GRIP1: variants seen among roughly 807,000 people sequenced by gnomAD.
The protein encoded by GRIP1 is glutamate receptor-interacting protein 1.
A neutral mutation model predicts 129.9 loss-of-function variants in GRIP1; 45 were observed. That is an observed-to-expected ratio of 0.35 (90% CI 0.27 to 0.44). GRIP1 has a LOEUF of 0.44. GRIP1 is among the 20% of genes least tolerant of loss of function. The pLI is 1.00. For synonymous variants in GRIP1, 530 were observed against 520.8 expected (o/e 1.02, Z -0.24); for missense variants, 1,196 against 1,396.8 (o/e 0.86, Z 2.29).
At chr12:66,600,163 C>T (rs906623096) in intron 1 of GRIP1, among the ~76,000 whole-genome samples, 13 of 152,186 alleles carry the variant, frequency 8.5e-5, no homozygotes, top group African/African-American at 2.9e-4. Flanking sequence ...ACAAATGGTA[C>T]TACAGAACTA....
intron 1 of GRIP1, among the ~76,000 whole-genome samples, chr12:66,736,114 C>T (rs568197338): frequency 4.6e-5 from 7 of 152,264 alleles, no homozygotes; most frequent in African/African-American, 1.4e-4. Context: ...CACCAAACTT[C>T]ACTAAGAGCT....
At position 66,509,497 on chromosome 12, in the gene GRIP1, C is replaced by T. The variant is rs748062895; in HGVS notation, c.724+6122G>A. Among the ~76,000 whole-genome samples the T allele has an allele frequency of 9.8e-4, 149 of 151,910 alleles. 1 individual carries two copies. The highest frequency in any genetic ancestry group is 5.9e-5 in the Non-Finnish European group (4 of 68,026). On this transcript the variant is annotated intron_variant, in intron 7 of 24. Transcript: ENST00000359742. ...GCACTGTATTTTACTACAGTCATTG[C>T]TTTCAGAACTTTTTTCCTTAGATGT...
intron 1 of GRIP1, among the ~76,000 whole-genome samples, chr12:66,641,202 G>A (rs189476834): frequency 8.6e-4 from 131 of 152,294 alleles, no homozygotes; most frequent in African/African-American, 3.1e-3. Flanking sequence ...CTGAGACACT[G>A]TTGATGCCTC....
intron 1 of GRIP1, among the ~76,000 whole-genome samples, chr12:66,856,996 G>A (rs1328323441): frequency 1.3e-5 from 2 of 152,080 alleles, no homozygotes; most frequent in Non-Finnish European, 2.9e-5. Context: ...ATGATAGACT[G>A]GATTAAGAAA....
At chr12:66,556,083 C>T (rs1407258639) in intron 2 of GRIP1, among the ~76,000 whole-genome samples, 2 of 151,990 alleles carry the variant, frequency 1.3e-5, no homozygotes, top group Non-Finnish European at 2.9e-5. Flanking sequence ...GGTTATAGAA[C>T]ACCAAACAGA....
At chr12:66,432,853 A>C (rs6581695) in intron 13 of GRIP1, among the ~76,000 whole-genome samples, 103,747 of 152,104 alleles carry the variant, frequency 0.68, 36,965 homozygotes, top group Non-Finnish European at 0.8. Context: ...AGTTGAGTTC[A>C]GTATTTCTCA....
intron 10 of GRIP1, 137 bp downstream of exon 10, chr12:66,456,050 G>A: frequency 2.2e-6 from 1 of 451,196 alleles, no homozygotes; most frequent in Non-Finnish European, 4.0e-6. Context: ...AAAAAACCTA[G>A]GAGATGTCAG....
chr12:67,029,174 C>A (rs1034498143), intron 1 of GRIP1, among the ~76,000 whole-genome samples: 10 of 152,066 alleles, frequency 6.6e-5, no homozygotes, highest in African/African-American at 2.4e-4. Context: ...TGCAGCGGCA[C>A]AATCTCAGCT....
At chr12:66,671,674 A>G (rs1180248498) in intron 1 of GRIP1, among the ~76,000 whole-genome samples, 1 of 152,196 alleles carries the variant, frequency 6.6e-6, no homozygotes. Context: ...ACAAAACAGA[A>G]GGGCTGCTTC....
intron 1 of GRIP1, among the ~76,000 whole-genome samples, chr12:67,004,673 T>C (rs1369982262): frequency 2.6e-5 from 4 of 152,084 alleles, no homozygotes; most frequent in Non-Finnish European, 4.4e-5. Flanking sequence ...AATAACCTTA[T>C]TGGGACACCA....
At chr12:66,639,859 C>G (rs933128173) in intron 1 of GRIP1, among the ~76,000 whole-genome samples, 3 of 152,174 alleles carry the variant, frequency 2.0e-5, no homozygotes, top group African/African-American at 7.2e-5. Context: ...AGTACAAGCA[C>G]AGTTACACTA....
chr12:66,699,497 T>A (rs2035277525), intron 1 of GRIP1, among the ~76,000 whole-genome samples: 1 of 152,106 alleles, frequency 6.6e-6, no homozygotes, highest in Non-Finnish European at 1.5e-5. Flanking sequence ...TATAAGGGGT[T>A]TCCCCTTTTA....
In GRIP1 at chr12:66,859,259, GA is replaced by G. The variant is rs1555246431; in HGVS notation, c.58+209790del. On this transcript the variant is annotated intron_variant, in intron 1 of 1. Transcript: ENST00000643019. ...GACTAGCATATTCTCCACATTTTCT[GA>G]AAAAAAACAAAAAAACAAAAAAACA... 6.6e-4 allele frequency among the ~76,000 whole-genome samples: 14 copies of G among 21,232 alleles called. 2 individuals carry two copies. In the East Asian group the frequency reaches 0.062, roughly 95 times the overall value. 13.9% of individuals were successfully genotyped at this position (21,232 alleles called of 152,430 possible).
chr12:66,510,393 T>C (rs1392703695), intron 7 of GRIP1, among the ~76,000 whole-genome samples: 1 of 152,148 alleles, frequency 6.6e-6, no homozygotes, highest in Non-Finnish European at 1.5e-5. Flanking sequence ...CCTACGTATC[T>C]CATCTAGCCT....
At chr12:66,977,840 T>C (rs1024588117) in intron 1 of GRIP1, among the ~76,000 whole-genome samples, 7 of 123,596 alleles carry the variant, frequency 5.7e-5, no homozygotes, top group African/African-American at 2.1e-4. Context: ...TTTTTTTGGC[T>C]CTTGCTCTTT....
rs1203699474 is a variant in GRIP1, at chr12:66,990,939, T to A, written c.58+78111A>T. On this transcript the variant is annotated intron_variant, in intron 1 of 1. Coordinates refer to the GRIP1 transcript ENST00000643019. ...TCGCGGTGAGCCGAGATAGCGCCAT[T>A]ACGCTCCAGCCTGGGCAACAAGAGC... 2.7e-5 allele frequency among the ~76,000 whole-genome samples: 4 copies of A among 145,634 alleles called. No individual in the cohort carries two copies. The East Asian group carries it at 8.1e-4, about 29-fold the overall frequency.
intron 1 of GRIP1, among the ~76,000 whole-genome samples, chr12:67,037,196 C>T (rs1386586087): frequency 3.3e-5 from 5 of 151,984 alleles, no homozygotes; most frequent in African/African-American, 7.2e-5. Flanking sequence ...GGCGTGGTGG[C>T]GGGCACCTGT....
intron 2 of GRIP1, among the ~76,000 whole-genome samples, chr12:66,566,879 GA>G (rs967756659): frequency 1.3e-5 from 2 of 152,108 alleles, no homozygotes; most frequent in Non-Finnish European, 2.9e-5. Context: ...ATGTGTCGAG[GA>G]ATTTACCCAT....
chr12:67,060,824 CAA>C (rs11300344), intron 1 of GRIP1, among the ~76,000 whole-genome samples: 6,253 of 104,782 alleles, frequency 0.06, 134 homozygotes, highest in Middle Eastern at 0.12. Context: ...AACTCCGTCT[CAA>C]AAAAAAAAAA....
Sources: gnomAD v4.1 joint callset for allele counts (sites outside exome capture counted in the v4.1 genomes callset) on GRCh38, gnomAD v4.1.1 for gene constraint, MANE v1.5 for transcripts, NCBI Gene and HGNC (gene_info 2026-07-23, HGNC 2026-07-21) for gene names.